ANO1: variants seen among roughly 807,000 people sequenced by gnomAD.
The protein encoded by ANO1 is anoctamin-1.
In ANO1, 59 loss-of-function variants were observed where a neutral mutation model predicts 124.0. The observed-to-expected ratio is 0.48, with a 90% CI of 0.39 to 0.59. ANO1 has a LOEUF of 0.59. Among genes scored for constraint, ANO1 ranks in the 20% least tolerant of loss-of-function variants. ANO1 has a pLI of 0.00. For synonymous variants in ANO1, 529 were observed against 532.0 expected, an observed-to-expected ratio of 0.99 and a Z score of 0.08; for missense variants, 1,059 against 1,328.0, an observed-to-expected ratio of 0.80 and a Z score of 3.15.
At chr11:69,971,322 C>T in the ANO1 span, among the ~76,000 whole-genome samples, 4 of 152,184 alleles carry the variant, frequency 2.6e-5, no homozygotes, top group African/African-American at 9.6e-5. Flanking sequence ...CCTCATGGAG[C>T]TTTCTAGATT....
intron 6 of ANO1, among the ~76,000 whole-genome samples, chr11:70,109,218 A>T (rs2045675133): frequency 6.6e-6 from 1 of 152,214 alleles, no homozygotes; most frequent in African/African-American, 2.4e-5. Flanking sequence ...GAGTCTGTGC[A>T]TACAGGAGGG....
chr11:70,083,165 T>C (rs1331279879), intron 1 of ANO1, among the ~76,000 whole-genome samples: 1 of 152,232 alleles, frequency 6.6e-6, no homozygotes, highest in Non-Finnish European at 1.5e-5. Flanking sequence ...TAGTTCTTTA[T>C]GTGCGTGTGT....
At chr11:70,139,620 G>A (rs149224692) in intron 11 of ANO1, among the ~76,000 whole-genome samples, 33 of 152,268 alleles carry the variant, frequency 2.2e-4, no homozygotes, top group Admixed American at 7.9e-4. Context: ...CACCACGCCC[G>A]GCCTGCACCA....
chr11:70,044,876 A>G (rs1565167726), intron 1 of ANO1, among the ~76,000 whole-genome samples: 2 of 152,324 alleles, frequency 1.3e-5, no homozygotes, highest in Non-Finnish European at 2.9e-5. Context: ...TGGACCTGGA[A>G]AAACAAGCTG....
chr11:70,020,338 G>A (rs1555002513), intron 1 of ANO1, among the ~76,000 whole-genome samples: 1 of 152,102 alleles, frequency 6.6e-6, no homozygotes, highest in Admixed American at 6.5e-5. Context: ...ATCTCTGCTG[G>A]TGGTGGGGTC....
chr11:69,969,862 G>A, the ANO1 span, among the ~76,000 whole-genome samples: 16,480 of 152,128 alleles, frequency 0.11, 945 homozygotes, highest in Middle Eastern at 0.13. Flanking sequence ...CAGGAGAATC[G>A]CTTGAACCTG....
intron 1 of ANO1, among the ~76,000 whole-genome samples, chr11:70,005,048 G>A (rs1856460685): frequency 6.6e-6 from 1 of 151,298 alleles, no homozygotes; most frequent in Non-Finnish European, 1.5e-5. Flanking sequence ...GGGAGGCGCA[G>A]GCTGCAGTGA....
At chr11:70,117,795 T>C (rs944359484) in intron 8 of ANO1, among the ~76,000 whole-genome samples, 7 of 152,224 alleles carry the variant, frequency 4.6e-5, no homozygotes, top group African/African-American at 1.7e-4. Flanking sequence ...GTGTATGGAA[T>C]GTTCTTCATT....
chr11:70,166,378 G>A (rs1445814607), intron 20 of ANO1, among the ~76,000 whole-genome samples: 1 of 152,168 alleles, frequency 6.6e-6, no homozygotes, highest in Non-Finnish European at 1.5e-5. Context: ...TTGGACGAAG[G>A]AGGGAGAGGA....
intron 22 of ANO1, among the ~76,000 whole-genome samples, chr11:70,173,914 G>A (rs1443844984): frequency 6.6e-6 from 1 of 151,450 alleles, no homozygotes. Flanking sequence ...AGCTGGGCAT[G>A]CAAATTTTTG....
At chr11:70,064,472 C>T (rs1244512219) in intron 1 of ANO1, 1 of 152,288 alleles carries the variant, frequency 6.6e-6, no homozygotes, top group Admixed American at 6.5e-5. Flanking sequence ...GCGCCCTGGA[C>T]TGAGGCAAAC....
chr11:69,978,299 A>G, the ANO1 span, among the ~76,000 whole-genome samples: 1 of 151,950 alleles, frequency 6.6e-6, no homozygotes, highest in African/African-American at 2.4e-5. Flanking sequence ...CAGCCCTAGA[A>G]GCGGATGGAC....
intron 1 of ANO1, among the ~76,000 whole-genome samples, chr11:70,073,174 T>C (rs1460014698): frequency 6.6e-6 from 1 of 152,220 alleles, no homozygotes; most frequent in African/African-American, 2.4e-5. Flanking sequence ...GTGCTCTGTT[T>C]GGCAGAGTGG....
chr11:70,182,282 C>T (rs1395262856), intron 23 of ANO1, among the ~76,000 whole-genome samples: 1 of 152,264 alleles, frequency 6.6e-6, no homozygotes, highest in Non-Finnish European at 1.5e-5. Flanking sequence ...ACTGTTCTGG[C>T]CACCAGGCAC....
intron 1 of ANO1, among the ~76,000 whole-genome samples, chr11:70,085,956 G>A (rs540438260): frequency 2.0e-5 from 3 of 152,264 alleles, no homozygotes; most frequent in Non-Finnish European, 2.9e-5. Flanking sequence ...AGGCGACCAC[G>A]TGGGGGGACC....
intron 2 of ANO1, among the ~76,000 whole-genome samples, chr11:70,096,122 G>A (rs78966445): frequency 0.11 from 16,441 of 152,170 alleles, 1,136 homozygotes; most frequent in African/African-American, 0.2. Context: ...GGTCTGCTTC[G>A]CTTGTCTGCT....
chr11:70,132,103 G>A (rs778059183), intron 11 of ANO1, 24 bp downstream of exon 11: 8 of 1,564,608 alleles, frequency 5.1e-6, no homozygotes, highest in South Asian at 2.3e-5. Flanking sequence ...CAGAGCACTG[G>A]GTTTTTGGGC....
chr11:70,148,614 C>T (rs1037486658), intron 11 of ANO1, among the ~76,000 whole-genome samples: 1 of 152,334 alleles, frequency 6.6e-6, no homozygotes, highest in African/African-American at 2.4e-5. Context: ...AACTCTGTGG[C>T]CTTCCTATTC....
At chr11:70,129,209 T>C (rs561793996) in intron 10 of ANO1, 1 of 152,290 alleles carries the variant, frequency 6.6e-6, no homozygotes, top group Non-Finnish European at 1.5e-5. Flanking sequence ...AACTCACTGC[T>C]GCTGCAAAGT....
Sources: gnomAD v4.1 joint callset for allele counts (sites outside exome capture counted in the v4.1 genomes callset) on GRCh38, gnomAD v4.1.1 for gene constraint, MANE v1.5 for transcripts, NCBI Gene and HGNC (gene_info 2026-07-23, HGNC 2026-07-21) for gene names.